CLIP2: variants seen among roughly 807,000 people sequenced by gnomAD.
The protein encoded by CLIP2 is CAP-Gly domain-containing linker protein 2.
Under a neutral mutation model 111.7 loss-of-function variants are expected in CLIP2, and 41 were observed. The observed-to-expected ratio is 0.37, with a 90% CI of 0.29 to 0.48. CLIP2 has a LOEUF of 0.48. Ranked by LOEUF, CLIP2 falls within the 20% of genes least tolerant of loss-of-function variation. The probability of loss-of-function intolerance (pLI) is 0.99; values close to 1 mark genes in which losing one functional copy is unlikely to be tolerated. For missense variants in CLIP2, 1,160 were observed against 1,422.1 expected (o/e 0.82, Z 2.96); for synonymous variants, 660 against 644.2 (o/e 1.02, Z -0.37).
chr7:74,401,527 C>T lies in CLIP2; in HGVS notation c.3089C>T (p.Ala1030Val), dbSNP rs781948118. ...KAQTIGNSGS[A>V]NGIHQQDKAQ... ...CAGACCATCGGCAATTCCGGTTCTG[C>T]AAACGGCATCCACCAGCAGGACAAA... The change falls in exon 16 of 17, where the codon GCA (alanine) becomes GTA (valine). Residue 1030 changes from alanine (A) to valine (V), a missense_variant. Physicochemically the swap from Ala to Val is moderately conservative, Grantham distance 64 (BLOSUM62 0). Around this residue, in one of 5 missense-constraint regions of CLIP2, gnomAD observed 676 missense variants for 777.8 expected, o/e 0.87. Transcript: ENST00000223398. 22 of 1,614,108 alleles carry T rather than the reference C, an allele frequency of 1.4e-5. No homozygotes were observed. The highest frequency in any genetic ancestry group is 1.8e-5 in the Non-Finnish European group (21 of 1,180,012).
chr7:74,399,443 T>C (rs1584395805), intron 14 of CLIP2, among the ~76,000 whole-genome samples: 1 of 150,214 alleles, frequency 6.7e-6, no homozygotes, highest in South Asian at 2.1e-4. Context: ...GAGGCTGAGG[T>C]GGGAGGATCA....
chr7:74,357,140 C>A lies in CLIP2; in HGVS notation c.1018-140C>A, dbSNP rs186507572. 5.1e-5 allele frequency: 34 copies of A among 670,826 alleles called. No individual in the cohort carries two copies. The African/African-American group carries it at 6.1e-4, about 12-fold the overall frequency. 41.6% of individuals were successfully genotyped at this position (670,826 alleles called of 1,614,324 possible). On this transcript the variant is annotated intron_variant, in intron 5 of 16. Coordinates refer to ENST00000223398, the MANE Select transcript of CLIP2 (RefSeq NM_003388.5). The stretch of plus-strand genomic sequence containing the variant: ...AGGGGCCAGGATGTCAGAGTACTGG[C>A]AGGGGAAGAGCAGGACCCTGGGAGT...
chr7:74,376,214 G>A lies in CLIP2; in HGVS notation c.1813G>A (p.Glu605Lys), dbSNP rs200945187. Residue 605 changes from glutamate (E) to lysine (K), a missense_variant, in exon 10 of 17, where the codon GAG becomes AAG. By Grantham distance (56) the Glu-to-Lys change is moderately conservative (BLOSUM62 1). This residue lies in a region of CLIP2 where 676 missense variants were observed against 777.8 expected (regional missense o/e 0.87). Coordinates refer to ENST00000223398, the MANE Select transcript of CLIP2 (RefSeq NM_003388.5). This position sits in a 1 kb window ranked among gnomAD's most constrained non-coding sequence, Gnocchi z 7.1. ...LKDKVQQATSENMGLMDNWKS... is the reference protein window; with the variant it reads ...LKDKVQQATSKNMGLMDNWKS... ...GGACAAGGTTCAGCAGGCCACCAGCGAGAACATGGGGCTAATGGACAACTG... is the reference window on the plus strand; with the variant it reads ...GGACAAGGTTCAGCAGGCCACCAGCAAGAACATGGGGCTAATGGACAACTG... The A allele has an allele frequency of 4.3e-6, 7 of 1,612,892 alleles. No homozygotes were observed. In the Admixed American group the frequency reaches 6.7e-5, roughly 15 times the overall value.
intron 13 of CLIP2, 30 bp from the exon 14 acceptor site, chr7:74,397,044 G>A (rs1554316752): frequency 6.2e-7 from 1 of 1,608,972 alleles, no homozygotes; most frequent in Non-Finnish European, 8.5e-7. Context: ...AGGGCTGAGT[G>A]CAGTGGTTCT....
chr7:74,398,472 A>AG (rs1325281420), intron 14 of CLIP2, among the ~76,000 whole-genome samples: 1 of 152,186 alleles, frequency 6.6e-6, no homozygotes, highest in Non-Finnish European at 1.5e-5. Context: ...GGGGTCCAGG[A>AG]GGACAGGCCC....
At position 74,338,609 on chromosome 7, in the gene CLIP2, G is replaced by T. The variant is rs782394139; in HGVS notation, c.283G>T (p.Val95Leu). The change falls in exon 3 of 17, where the codon GTG becomes TTG. Residue 95 changes from valine (V) to leucine (L), a missense_variant. This residue lies in a region of CLIP2 where 301 missense variants were observed against 315.2 expected (regional missense o/e 0.96). Coordinates refer to ENST00000223398, the MANE Select transcript of CLIP2 (RefSeq NM_003388.5). This position sits in a 1 kb window ranked among gnomAD's most constrained non-coding sequence, Gnocchi z 4.3. ...VWVNGVKPGV[V>L]QYLGETQFAP... ...GGTGAACGGCGTGAAGCCAGGCGTG[G>T]TGCAGTATCTGGGAGAGACGCAGTT... is the stretch of plus-strand genomic sequence containing the variant. 17 of 1,566,584 alleles carry T rather than the reference G, an allele frequency of 1.1e-5. No individual in the cohort carries two copies. The highest frequency in any genetic ancestry group is 1.9e-5 in the Admixed American group (1 of 52,392).
chr7:74,342,934 C>G (rs1205916518), intron 3 of CLIP2, among the ~76,000 whole-genome samples: 1 of 151,336 alleles, frequency 6.6e-6, no homozygotes, highest in Non-Finnish European at 1.5e-5. Context: ...ACTCGGGAGG[C>G]TGAGGCAGGA....
intron 9 of CLIP2, among the ~76,000 whole-genome samples, chr7:74,375,272 T>C (rs1446654575): frequency 3.3e-5 from 5 of 149,330 alleles, no homozygotes; most frequent in Non-Finnish European, 7.4e-5. Context: ...AAAAAAATGC[T>C]GGGCGGTGGC....
At chr7:74,307,308 G>A (rs1788519903) in intron 1 of CLIP2, among the ~76,000 whole-genome samples, 1 of 152,150 alleles carries the variant, frequency 6.6e-6, no homozygotes, top group African/African-American at 2.4e-5. Context: ...AGGATGGGAG[G>A]TAGGGAAGGG....
chr7:74,360,176 A>G lies in CLIP2; in HGVS notation c.1217A>G (p.Tyr406Cys), dbSNP rs782612705. 4 of 1,599,610 alleles carry G rather than the reference A, an allele frequency of 2.5e-6. No homozygotes were observed. The highest frequency in any genetic ancestry group is 1.3e-5 in the African/African-American group (1 of 74,848). Residue 406 changes from tyrosine to cysteine, a missense_variant and splice_region_variant, in exon 7 of 17, where the codon TAT becomes TGT. Tyr to Cys is a radical substitution (Grantham distance 194). This residue lies in a region of CLIP2 where 70 missense variants were observed against 114.9 expected (regional missense o/e 0.61). Transcript: ENST00000223398. ...TCCTGGCCTTCCTTGGGGGCCCAGTATGTTGCAGAAGCCGAGGAGAAGCTG... is the reference window on the plus strand; with the variant it reads ...TCCTGGCCTTCCTTGGGGGCCCAGTGTGTTGCAGAAGCCGAGGAGAAGCTG... Reference protein sequence around the residue: ...IALLKAQHEQYVAEAEEKLQR... With the variant: ...IALLKAQHEQCVAEAEEKLQR...
intron 1 of CLIP2, among the ~76,000 whole-genome samples, chr7:74,300,396 C>T (rs1333994439): frequency 1.3e-5 from 2 of 151,962 alleles, no homozygotes; most frequent in African/African-American, 2.4e-5. Flanking sequence ...TTTGATTTTC[C>T]GAGTTGTTTT....
chr7:74,309,929 T>C (rs1788598781), intron 1 of CLIP2, among the ~76,000 whole-genome samples: 1 of 150,654 alleles, frequency 6.6e-6, no homozygotes, highest in Admixed American at 6.7e-5. Flanking sequence ...CCAGGCATGG[T>C]GGCTCATACC....
At chr7:74,323,464 A>G (rs1554730283) in intron 2 of CLIP2, among the ~76,000 whole-genome samples, 1 of 140,360 alleles carries the variant, frequency 7.1e-6, no homozygotes, top group Admixed American at 7.3e-5. Flanking sequence ...GTTTTACTCC[A>G]TCGCCCAGGC....
At chr7:74,363,108 C>G (rs1438871288) in intron 7 of CLIP2, among the ~76,000 whole-genome samples, 5 of 151,798 alleles carry the variant, frequency 3.3e-5, no homozygotes, top group African/African-American at 1.2e-4. Context: ...GGGTTCAAGC[C>G]ATTCTCCTGC....
chr7:74,394,404 C>A (rs1358338378), intron 13 of CLIP2, among the ~76,000 whole-genome samples: 1 of 152,072 alleles, frequency 6.6e-6, no homozygotes, highest in African/African-American at 2.4e-5. Context: ...GCATGCGCCA[C>A]CATGCCGGGC....
rs188809636 is a variant in CLIP2 at position 74,390,855 on chromosome 7, C to G, written c.2720+1596C>G. Reference sequence around the variant, plus strand: ...CTGAGGTCGTGAGTTCAAGACCAGCCTGTCCAACATGGCGAAACCCTGTCT... The same window carrying G: ...CTGAGGTCGTGAGTTCAAGACCAGCGTGTCCAACATGGCGAAACCCTGTCT... On this transcript the variant is annotated intron_variant, in intron 13 of 16. Coordinates refer to ENST00000223398, the MANE Select transcript of CLIP2 (RefSeq NM_003388.5). Among the ~76,000 whole-genome samples the G allele has an allele frequency of 5.5e-3, 833 of 151,998 alleles. 12 individuals carry two copies. Among genetic ancestry groups the G allele is most frequent in the African/African-American group, 0.019 (780 of 41,460 alleles).
chr7:74,296,146 C>G (rs1450586656), intron 1 of CLIP2, among the ~76,000 whole-genome samples: 3 of 151,850 alleles, frequency 2.0e-5, no homozygotes, highest in African/African-American at 7.3e-5. Flanking sequence ...GAGGGAAGAC[C>G]ACAGGAGGAA....
chr7:74,297,524 C>G (rs112516589), intron 1 of CLIP2, among the ~76,000 whole-genome samples: 4 of 152,184 alleles, frequency 2.6e-5, no homozygotes, highest in Admixed American at 6.6e-5. Context: ...CAGGGCCCCC[C>G]CTTTGAGAGG....
At chr7:74,311,215 G>A (rs181083889) in intron 1 of CLIP2, among the ~76,000 whole-genome samples, 43 of 152,196 alleles carry the variant, frequency 2.8e-4, no homozygotes, top group South Asian at 1.0e-3. Flanking sequence ...TCCTGAACTC[G>A]TGATCTGCCC....
Sources: gnomAD v4.1 joint callset for allele counts (sites outside exome capture counted in the v4.1 genomes callset) on GRCh38, gnomAD v4.1.1 for gene constraint, gnomAD v4.1.1 regional missense constraint, Gnocchi (gnomAD v3.1) non-coding constraint, MANE v1.5 for transcripts, NCBI Gene and HGNC (gene_info 2026-07-23, HGNC 2026-07-21) for gene names.